Variants in RIMS2 observed in about 807,000 individuals in gnomAD.
The protein encoded by RIMS2 is regulating synaptic membrane exocytosis 2.
RIMS2 carries 59 observed loss-of-function variants against 174.4 expected under a neutral mutation model. The observed-to-expected ratio is 0.34, with a 90% CI of 0.27 to 0.42. The LOEUF (loss-of-function observed/expected upper bound fraction) is 0.42. Ranked by LOEUF, RIMS2 falls within the 10% of genes least tolerant of loss-of-function variation. The pLI, the probability that RIMS2 is intolerant of heterozygous loss-of-function variation, is 1.00. For synonymous variants in RIMS2, 606 were observed against 572.5 expected, an observed-to-expected ratio of 1.06 and a Z score of -0.84; for missense variants, 1,620 against 1,666.3, an observed-to-expected ratio of 0.97 and a Z score of 0.48.
intron 1 of RIMS2, among the ~76,000 whole-genome samples, chr8:103,673,687 C>T (rs1007799275): frequency 3.3e-5 from 5 of 152,108 alleles, no homozygotes; most frequent in Admixed American, 6.6e-5. Flanking sequence ...TAGGTGGGCC[C>T]GCCATGAAGG....
chr8:104,238,369 G>C (rs541091958), intron 19 of RIMS2, among the ~76,000 whole-genome samples: 1 of 151,976 alleles, frequency 6.6e-6, no homozygotes, highest in Non-Finnish European at 1.5e-5. Flanking sequence ...AAACCTAGAT[G>C]ATGGGTTGAT....
intron 19 of RIMS2, among the ~76,000 whole-genome samples, chr8:104,027,633 A>T (rs991692343): frequency 2.6e-5 from 4 of 152,346 alleles, no homozygotes; most frequent in African/African-American, 7.2e-5. Flanking sequence ...TTTACAATGT[A>T]CTAACTGTGT....
chr8:103,670,731 A>G (rs1048265012), intron 1 of RIMS2, among the ~76,000 whole-genome samples: 10 of 152,196 alleles, frequency 6.6e-5, no homozygotes, highest in Admixed American at 6.5e-4. Flanking sequence ...ATCTGAGACT[A>G]CCTCAGCCTG....
intron 3 of RIMS2, among the ~76,000 whole-genome samples, chr8:103,836,557 C>A (rs577234065): frequency 1.3e-5 from 2 of 152,080 alleles, no homozygotes; most frequent in South Asian, 2.1e-4. Flanking sequence ...CAGACTGAGA[C>A]CCCATCTCTA....
intron 3 of RIMS2, among the ~76,000 whole-genome samples, chr8:103,873,395 G>A (rs937676950): frequency 6.6e-6 from 1 of 152,058 alleles, no homozygotes; most frequent in Non-Finnish European, 1.5e-5. Flanking sequence ...CTGAGTTTTT[G>A]TATTAGGAAT....
chr8:104,111,017 T>C (rs1215413637), intron 19 of RIMS2, among the ~76,000 whole-genome samples: 4 of 152,186 alleles, frequency 2.6e-5, no homozygotes, highest in Admixed American at 6.5e-5. Flanking sequence ...TTTTTATTCT[T>C]GTTGAGTTTA....
chr8:103,815,522 G>A (rs1339254185), intron 3 of RIMS2, among the ~76,000 whole-genome samples: 1 of 152,038 alleles, frequency 6.6e-6, no homozygotes, highest in Non-Finnish European at 1.5e-5. Flanking sequence ...GAAACCAATT[G>A]CCATCATCTA....
At chr8:103,862,293 C>T (rs932655338) in intron 3 of RIMS2, among the ~76,000 whole-genome samples, 3 of 151,752 alleles carry the variant, frequency 2.0e-5, no homozygotes, top group African/African-American at 7.3e-5. Context: ...TGTAGATACT[C>T]GGTTTTATTT....
chr8:104,176,613 A>T lies in RIMS2; in HGVS notation c.3335-68303A>T, dbSNP rs1384432933. ...AGCCGTTTTATAATGAAGAAAAGAT[A>T]TTTAAACATTATATGCTAATGAAAA... On this transcript the variant is annotated intron_variant, in intron 19 of 23. Transcript: ENST00000504942. Among the ~76,000 whole-genome samples the T allele has an allele frequency of 2.6e-5, 4 of 151,958 alleles. No individual in the cohort carries two copies. The East Asian group carries it at 7.7e-4, about 29-fold the overall frequency.
intron 1 of RIMS2, among the ~76,000 whole-genome samples, chr8:103,541,730 A>G (rs1440663236): frequency 1.3e-5 from 2 of 152,242 alleles, no homozygotes; most frequent in South Asian, 4.1e-4. Flanking sequence ...AAAAATAGTA[A>G]TAGCTACAAT....
At chr8:103,788,796 C>T (rs1167945733) in intron 3 of RIMS2, among the ~76,000 whole-genome samples, 1 of 152,216 alleles carries the variant, frequency 6.6e-6, no homozygotes, top group Non-Finnish European at 1.5e-5. Flanking sequence ...TGGTGGGCTC[C>T]ACCCAGTTGG....
chr8:103,970,151 G>T lies in RIMS2; in HGVS notation c.2771-5199G>T, dbSNP rs546688662. On this transcript the variant is annotated intron_variant, in intron 15 of 23. Coordinates refer to ENST00000504942, the Ensembl canonical transcript of RIMS2. The stretch of plus-strand genomic sequence containing the variant: ...AGGCCTTTAGTAATGTGCTGGTAAG[G>T]TCGGGGAAGGGAAACATTCTATATT... 2.6e-5 allele frequency among the ~76,000 whole-genome samples: 4 copies of T among 152,294 alleles called. No homozygotes were observed. In the South Asian group the frequency reaches 8.3e-4, roughly 32 times the overall value.
intron 14 of RIMS2, among the ~76,000 whole-genome samples, chr8:103,953,320 T>A (rs2086031948): frequency 6.6e-6 from 1 of 152,002 alleles, no homozygotes; most frequent in Admixed American, 6.6e-5. Context: ...AAGGTTGAAA[T>A]GAAGGAAAAA....
intron 19 of RIMS2, among the ~76,000 whole-genome samples, chr8:104,081,148 G>T (rs555832891): frequency 1.2e-4 from 18 of 151,964 alleles, no homozygotes; most frequent in Non-Finnish European, 2.2e-4. Flanking sequence ...TTTATGATTG[G>T]CCATTTTCAG....
intron 1 of RIMS2, among the ~76,000 whole-genome samples, chr8:103,630,000 T>A (rs1324965024): frequency 6.6e-5 from 10 of 151,556 alleles, no homozygotes; most frequent in Admixed American, 2.0e-4. Context: ...AAAAAAAAAA[T>A]TTTAAGAAAT....
At chr8:104,035,328 T>C (rs1565955065) in intron 19 of RIMS2, among the ~76,000 whole-genome samples, 1 of 151,950 alleles carries the variant, frequency 6.6e-6, no homozygotes, top group Non-Finnish European at 1.5e-5. Context: ...TTTTTGAAAA[T>C]TGAAAATATT....
At chr8:104,023,614 A>C (rs2096169835) in intron 19 of RIMS2, among the ~76,000 whole-genome samples, 1 of 152,194 alleles carries the variant, frequency 6.6e-6, no homozygotes, top group Non-Finnish European at 1.5e-5. Context: ...TGGGAATATC[A>C]GGTGCTCAGT....
At chr8:103,546,183 G>A (rs2131405747) in intron 1 of RIMS2, among the ~76,000 whole-genome samples, 1 of 152,304 alleles carries the variant, frequency 6.6e-6, no homozygotes, top group Non-Finnish European at 1.5e-5. Flanking sequence ...AGGGGATGGA[G>A]AAAAATCTAC....
At chr8:103,761,061 C>G (rs1027386617) in intron 2 of RIMS2, among the ~76,000 whole-genome samples, 1 of 152,122 alleles carries the variant, frequency 6.6e-6, no homozygotes, top group Non-Finnish European at 1.5e-5. Context: ...TGTGTTCATA[C>G]GTGCTAACAA....
Sources: gnomAD v4.1 joint callset for allele counts (sites outside exome capture counted in the v4.1 genomes callset) on GRCh38, gnomAD v4.1.1 for gene constraint, MANE v1.5 for transcripts, NCBI Gene and HGNC (gene_info 2026-07-23, HGNC 2026-07-21) for gene names.